ST3GAL3: variants seen among roughly 807,000 people sequenced by gnomAD.
ST3GAL3 encodes ST3 beta-galactoside alpha-2,3-sialyltransferase 3.
In ST3GAL3, 21 loss-of-function variants were observed where a neutral mutation model predicts 50.1. The observed-to-expected ratio is 0.42, with a 90% CI of 0.30 to 0.60. ST3GAL3 has a LOEUF of 0.60. Among genes scored for constraint, ST3GAL3 ranks in the 20% least tolerant of loss-of-function variants. The pLI, the probability that ST3GAL3 is intolerant of heterozygous loss-of-function variation, is 0.19. For missense variants in ST3GAL3, 353 were observed against 489.4 expected (o/e 0.72, Z 2.63); for synonymous variants, 183 against 190.0 (o/e 0.96, Z 0.30).
At chr1:43,857,554 C>T (rs2068721356) in intron 5 of ST3GAL3, among the ~76,000 whole-genome samples, 2 of 100,132 alleles carry the variant, frequency 2.0e-5, no homozygotes, top group African/African-American at 3.7e-5. Context: ...TCCCTTCCTT[C>T]CTTTCCTTCC....
chr1:43,841,321 G>T (rs1377446049), intron 5 of ST3GAL3: 1 of 152,222 alleles, frequency 6.6e-6, no homozygotes, highest in Non-Finnish European at 1.5e-5. Flanking sequence ...CACTGCCCTA[G>T]TAGAGGTTTT....
In ST3GAL3 at chr1:43,771,733, TGTGTG is replaced by T. The variant is rs1558230225; in HGVS notation, c.119-20368_119-20364del. 2.4e-3 allele frequency among the ~76,000 whole-genome samples: 65 copies of T among 26,610 alleles called. 1 individual carries two copies. The highest frequency in any genetic ancestry group is 3.5e-3 in the African/African-American group (61 of 17,506). 17.5% of individuals were successfully genotyped at this position (26,610 alleles called of 152,430 possible). A position where few individuals can be genotyped will look rare whatever the true frequency, so the allele number is the denominator to read the frequency against. On this transcript the variant is annotated intron_variant, in intron 2 of 11. Transcript: ENST00000347631. ...AGATTATAATGTTTTAATAAAGTTG[TGTGTG>T]TGTGTGTGTGTGTGTGTGTGTGTGT...
At chr1:43,729,584 GT>G (rs1674693128) in intron 1 of ST3GAL3, among the ~76,000 whole-genome samples, 1 of 152,054 alleles carries the variant, frequency 6.6e-6, no homozygotes, top group Non-Finnish European at 1.5e-5. Flanking sequence ...ATGGACTAAT[GT>G]CCCTCTCTCC....
At chr1:43,864,071 G>A (rs564624573) in intron 5 of ST3GAL3, among the ~76,000 whole-genome samples, 23 of 152,064 alleles carry the variant, frequency 1.5e-4, no homozygotes, top group Middle Eastern at 3.4e-3. Flanking sequence ...CTGAGGTCAG[G>A]AGTTCAAGAC....
At chr1:43,738,160 G>C (rs901959506) in intron 2 of ST3GAL3, 4 of 152,156 alleles carry the variant, frequency 2.6e-5, no homozygotes, top group Non-Finnish European at 5.9e-5. Flanking sequence ...TGTCAGGAAG[G>C]GGGTGTGAAA....
chr1:43,873,487 A>G (rs1301549562), intron 5 of ST3GAL3, among the ~76,000 whole-genome samples: 1 of 152,172 alleles, frequency 6.6e-6, no homozygotes, highest in African/African-American at 2.4e-5. Context: ...TGTAGCTATC[A>G]AGAAGGCAGG....
chr1:43,777,686 C>T (rs989731871), intron 2 of ST3GAL3, among the ~76,000 whole-genome samples: 10 of 152,162 alleles, frequency 6.6e-5, no homozygotes, highest in African/African-American at 2.4e-4. Context: ...CCATTCAGGA[C>T]ATAGGCACAG....
intron 11 of ST3GAL3, among the ~76,000 whole-genome samples, chr1:43,929,367 C>T (rs1044949208): frequency 6.6e-6 from 1 of 151,580 alleles, no homozygotes; most frequent in African/African-American, 2.4e-5. Context: ...TGCAGTGGCG[C>T]GATCTCGGCT....
At chr1:43,782,292 T>C (rs1242031460) in intron 2 of ST3GAL3, among the ~76,000 whole-genome samples, 19 of 152,232 alleles carry the variant, frequency 1.2e-4, no homozygotes, top group Admixed American at 1.2e-3. Context: ...TTGAATTTCA[T>C]CCGGCCCCCA....
At chr1:43,773,601 A>G (rs1430170293) in intron 2 of ST3GAL3, among the ~76,000 whole-genome samples, 1 of 152,212 alleles carries the variant, frequency 6.6e-6, no homozygotes, top group Non-Finnish European at 1.5e-5. Flanking sequence ...GATAGATAAT[A>G]GACATTTTTC....
At chr1:43,763,025 A>G (rs1423439701) in intron 2 of ST3GAL3, among the ~76,000 whole-genome samples, 3 of 152,194 alleles carry the variant, frequency 2.0e-5, no homozygotes, top group African/African-American at 7.2e-5. Context: ...CACTTCTAGG[A>G]ATTCCCCTAC....
At chr1:43,800,481 G>A (rs1295016178) in intron 3 of ST3GAL3, among the ~76,000 whole-genome samples, 1 of 152,210 alleles carries the variant, frequency 6.6e-6, no homozygotes, top group Non-Finnish European at 1.5e-5. Context: ...GGAGATGGGA[G>A]GTAATAGTAC....
chr1:43,858,943 A>G (rs2069199261), intron 5 of ST3GAL3, among the ~76,000 whole-genome samples: 1 of 152,198 alleles, frequency 6.6e-6, no homozygotes, highest in Admixed American at 6.5e-5. Flanking sequence ...ATGCAGGCAA[A>G]GAGTCCAGAT....
At chr1:43,783,612 C>T (rs1289258256) in intron 2 of ST3GAL3, among the ~76,000 whole-genome samples, 2 of 152,164 alleles carry the variant, frequency 1.3e-5, no homozygotes, top group East Asian at 3.9e-4. Flanking sequence ...TTTCCCATCC[C>T]CTGAGCTCCA....
intron 1 of ST3GAL3, among the ~76,000 whole-genome samples, chr1:43,729,098 T>C (rs2154081710): frequency 6.7e-6 from 1 of 149,380 alleles, no homozygotes; most frequent in East Asian, 2.0e-4. Context: ...TCTTTTTTTT[T>C]TTTTTTTTTG....
intron 3 of ST3GAL3, among the ~76,000 whole-genome samples, chr1:43,796,905 T>G (rs1558337635): frequency 6.6e-6 from 1 of 152,228 alleles, no homozygotes; most frequent in East Asian, 1.9e-4. Flanking sequence ...AAGTAAAGGT[T>G]AGGTGCAGTG....
intron 5 of ST3GAL3, chr1:43,858,341 G>T (rs913541573): frequency 3.2e-6 from 4 of 1,242,962 alleles, no homozygotes; most frequent in Non-Finnish European, 4.1e-6. Flanking sequence ...AGACACACTG[G>T]TGGGGGCAGC....
intron 9 of ST3GAL3, chr1:43,919,065 G>GTT (rs1427373785): frequency 3.9e-4 from 19 of 48,990 alleles, no homozygotes; most frequent in South Asian, 1.6e-3. Flanking sequence ...TCCTTTCTTT[G>GTT]TTTCTTTTTT....
At chr1:43,773,946 T>C (rs965134952) in intron 2 of ST3GAL3, among the ~76,000 whole-genome samples, 1 of 152,134 alleles carries the variant, frequency 6.6e-6, no homozygotes, top group African/African-American at 2.4e-5. Flanking sequence ...AATTTGATCA[T>C]TTAAAAAAAT....
Sources: allele counts gnomAD v4.1 joint callset (sites outside exome capture counted in the v4.1 genomes callset), GRCh38; gene constraint gnomAD v4.1.1; transcripts MANE v1.5; gene names NCBI Gene and HGNC (gene_info 2026-07-23, HGNC 2026-07-21).